CLPX: variants seen among roughly 807,000 people sequenced by gnomAD.
The protein encoded by CLPX is caseinolytic mitochondrial matrix peptidase chaperone subunit X, also known as ATP-dependent clpX-like chaperone, mitochondrial.
Under a neutral mutation model 76.4 loss-of-function variants are expected in CLPX, and 34 were observed. The ratio of observed to expected loss-of-function variants is 0.45; its 90% CI spans 0.34 to 0.59. The LOEUF (loss-of-function observed/expected upper bound fraction) is 0.59. Among genes scored for constraint, CLPX ranks in the 20% least tolerant of loss-of-function variants. The pLI, the probability that CLPX is intolerant of heterozygous loss-of-function variation, is 0.01. For synonymous variants in CLPX, 248 were observed against 270.9 expected (o/e 0.92, Z 0.83); for missense variants, 613 against 757.0 (o/e 0.81, Z 2.23).
chr15:65,168,190 C>A (rs1192056585), intron 3 of CLPX, among the ~76,000 whole-genome samples: 1 of 150,728 alleles, frequency 6.6e-6, no homozygotes, highest in African/African-American at 2.4e-5. Context: ...GAGATCGAGA[C>A]CTGGCTAACA....
At chr15:65,166,915 C>T in intron 3 of CLPX, 130 bp from the exon 4 acceptor site, 1 of 821,294 alleles carries the variant, frequency 1.2e-6, no homozygotes, top group Non-Finnish European at 1.9e-6. Context: ...AATCTACTTG[C>T]CACACAAACA....
At chr15:65,151,456 GAAAAAAAAAAAAA>G (rs529752332) in intron 13 of CLPX, among the ~76,000 whole-genome samples, 5,930 of 74,704 alleles carry the variant, frequency 0.079, 226 homozygotes, top group Middle Eastern at 0.2. Flanking sequence ...ATTACTGGGA[GAAAAAAAAAAAAA>G]AAAAAAAAAA....
intron 12 of CLPX, 116 bp from the exon 13 acceptor site, chr15:65,152,652 AAT>A (rs776162403): frequency 8.5e-3 from 1,962 of 230,668 alleles, no homozygotes; most frequent in Middle Eastern, 0.018. Context: ...AAACAAAACA[AAT>A]ATATATATAT....
chr15:65,155,263 T>C (rs1328245166), intron 10 of CLPX, among the ~76,000 whole-genome samples, 182 bp from the exon 11 acceptor site: 2 of 152,210 alleles, frequency 1.3e-5, no homozygotes, highest in Non-Finnish European at 1.5e-5. Flanking sequence ...AAAATCTTAT[T>C]GCTGTAAGTG....
chr15:65,166,571 G>A, intron 4 of CLPX, 60 bp downstream of exon 4: 2 of 1,543,070 alleles, frequency 1.3e-6, no homozygotes, highest in Non-Finnish European at 1.8e-6. Context: ...ACTTGGGAGA[G>A]GGAAGCAATG....
At position 65,173,561 on chromosome 15, in the gene CLPX, G is replaced by A. The variant is rs147399716; in HGVS notation, c.358+5373C>T. 5.7e-3 allele frequency among the ~76,000 whole-genome samples: 873 copies of A among 152,154 alleles called. 5 individuals are homozygous for A. Among genetic ancestry groups the A allele is most frequent in the Middle Eastern group, 0.014 (4 of 294 alleles). On this transcript the variant is annotated intron_variant, in intron 3 of 13. Transcript: ENST00000300107. ...CACTCCTAAACATATACCCAAGAGA[G>A]TTAGAAACATATGTCCACACAAAAA...
intron 4 of CLPX, among the ~76,000 whole-genome samples, chr15:65,166,383 A>T (rs1030831857): frequency 6.6e-6 from 1 of 152,214 alleles, no homozygotes; most frequent in African/African-American, 2.4e-5. Context: ...TTAACAAGTT[A>T]ACATTTTAAT....
rs113634083 is a variant in CLPX, at chr15:65,181,454, A to G, written c.80-1250T>C. Among the ~76,000 whole-genome samples the G allele has an allele frequency of 1.7e-3, 265 of 152,188 alleles. 2 individuals are homozygous for G. The highest frequency in any genetic ancestry group is 5.6e-3 in the African/African-American group (231 of 41,514). On this transcript the variant is annotated intron_variant, in intron 1 of 13. Coordinates refer to ENST00000300107, the MANE Select transcript of CLPX (RefSeq NM_006660.5). Reference sequence around the variant, plus strand: ...GTAAATTTTATATGTATCTTACCACAATAAAAAAATTGAAGGAGCCAGGTG... The same window carrying G: ...GTAAATTTTATATGTATCTTACCACGATAAAAAAATTGAAGGAGCCAGGTG...
intron 4 of CLPX, among the ~76,000 whole-genome samples, chr15:65,164,820 G>A (rs1042681888): frequency 3.3e-5 from 5 of 150,740 alleles, no homozygotes; most frequent in South Asian, 2.1e-4. Flanking sequence ...TCACTGTGTC[G>A]CCAAGGCTGG....
chr15:65,168,604 G>A, intron 3 of CLPX, among the ~76,000 whole-genome samples: 1 of 116,656 alleles, frequency 8.6e-6, no homozygotes, highest in Non-Finnish European at 1.8e-5. Context: ...GTCATGGGGT[G>A]GGGGGAGGGG....
chr15:65,151,743 A>G (rs1021690014), intron 13 of CLPX, among the ~76,000 whole-genome samples: 1 of 152,210 alleles, frequency 6.6e-6, no homozygotes, highest in Non-Finnish European at 1.5e-5. Flanking sequence ...AAAACACATC[A>G]ACTGCCTCTA....
chr15:65,150,801 TACAAG>T lies in CLPX; in HGVS notation c.*17_*21del. On this transcript the variant is annotated 3_prime_UTR_variant, in exon 14 of 14. Coordinates refer to ENST00000300107, the MANE Select transcript of CLPX (RefSeq NM_006660.5). Reference sequence around the variant, plus strand: ...AAACAAAAGAAGGAAAAGCTGTATATACAAGACAGCAATATGACAGTTTAGCTGTT... The same window carrying T: ...AAACAAAAGAAGGAAAAGCTGTATATACAGCAATATGACAGTTTAGCTGTT... 6.5e-7 allele frequency: 1 copy of T among 1,545,766 alleles called. No homozygotes were observed. The highest frequency in any genetic ancestry group is 8.9e-7 in the Non-Finnish European group (1 of 1,121,820).
At chr15:65,153,468 A>G in intron 12 of CLPX, 79 bp downstream of exon 12, 1 of 914,442 alleles carries the variant, frequency 1.1e-6, no homozygotes, top group Non-Finnish European at 1.7e-6. Context: ...CATATTTTCC[A>G]AAAGAAAAAC....
At chr15:65,158,045 T>C (rs2087811550) in intron 7 of CLPX, 135 bp from the exon 8 acceptor site, 1 of 699,912 alleles carries the variant, frequency 1.4e-6, no homozygotes, top group Admixed American at 3.4e-5. Flanking sequence ...TGCTATTATT[T>C]TTTTTAGAGA....
chr15:65,156,055 G>A (rs534379884), intron 9 of CLPX, among the ~76,000 whole-genome samples, 199 bp from the exon 10 acceptor site: 17 of 152,166 alleles, frequency 1.1e-4, no homozygotes, highest in African/African-American at 4.1e-4. Flanking sequence ...ATTTGAAATG[G>A]TTACAGAACT....
At chr15:65,175,575 G>A (rs1464139884) in intron 3 of CLPX, among the ~76,000 whole-genome samples, 1 of 152,142 alleles carries the variant, frequency 6.6e-6, no homozygotes, top group Non-Finnish European at 1.5e-5. Flanking sequence ...GACCAGAAGT[G>A]TTTCAGAGTT....
At chr15:65,164,225 C>T in intron 4 of CLPX, 37 bp from the exon 5 acceptor site, 1 of 1,520,158 alleles carries the variant, frequency 6.6e-7, no homozygotes, top group African/African-American at 1.4e-5. Context: ...TTAATATGAG[C>T]TATTATAAGA....
rs2088242854 is a variant in CLPX, at chr15:65,185,189, G to C, written c.-36C>G. 1 of 1,519,836 alleles carries C rather than the reference G, an allele frequency of 6.6e-7. No individual in the cohort carries two copies. The highest frequency in any genetic ancestry group is 8.9e-7 in the Non-Finnish European group (1 of 1,119,612). 94.1% of individuals were successfully genotyped at this position (1,519,836 alleles called of 1,614,324 possible). ...CCTAGGCCGGGGCTTCGCCCCCTGA[G>C]GACCTCCGGGTCACAGCGGCGTGAA... On this transcript the variant is annotated 5_prime_UTR_variant, in exon 1 of 14. Coordinates refer to ENST00000300107, the MANE Select transcript of CLPX (RefSeq NM_006660.5).
chr15:65,171,607 C>T (rs982904139), intron 3 of CLPX, among the ~76,000 whole-genome samples: 1 of 152,140 alleles, frequency 6.6e-6, no homozygotes, highest in Non-Finnish European at 1.5e-5. Flanking sequence ...TAAATAATCA[C>T]CACTTCCCAT....
Sources: gnomAD v4.1 joint callset for allele counts (sites outside exome capture counted in the v4.1 genomes callset) on GRCh38, gnomAD v4.1.1 for gene constraint, MANE v1.5 for transcripts, NCBI Gene and HGNC (gene_info 2026-07-23, HGNC 2026-07-21) for gene names.